Variants in TBC1D5 observed in about 807,000 individuals in gnomAD.
TBC1D5 encodes the protein TBC1 domain family member 5, also known as TBC1 domain family, member 5.
Under a neutral mutation model 100.3 loss-of-function variants are expected in TBC1D5, and 75 were observed. That is an observed-to-expected ratio of 0.75 (90% CI 0.62 to 0.91). The LOEUF is 0.91. TBC1D5 is among the 40% of genes least tolerant of loss of function. The pLI is 0.00. For synonymous variants in TBC1D5, 323 were observed against 325.6 expected, an observed-to-expected ratio of 0.99 and a Z score of 0.09; for missense variants, 910 against 942.4, an observed-to-expected ratio of 0.97 and a Z score of 0.45.
At chr3:17,455,462 A>G (rs2095055312) in intron 3 of TBC1D5, among the ~76,000 whole-genome samples, 1 of 146,606 alleles carries the variant, frequency 6.8e-6, no homozygotes, top group Non-Finnish European at 1.5e-5. Context: ...GTGTGTGTAT[A>G]TATATGTGTA....
intron 1 of TBC1D5, among the ~76,000 whole-genome samples, chr3:17,686,314 G>A (rs2153819259): frequency 6.6e-6 from 1 of 152,148 alleles, no homozygotes; most frequent in East Asian, 1.9e-4. Context: ...CCATAGTATA[G>A]CATTCTTTAT....
chr3:17,162,319 G>A (rs1201659849), intron 21 of TBC1D5, among the ~76,000 whole-genome samples: 4 of 152,256 alleles, frequency 2.6e-5, no homozygotes, highest in Non-Finnish European at 1.5e-5. Flanking sequence ...TAGGCCATCT[G>A]TGCACTGTGT....
chr3:17,600,754 C>T (rs1050532037), intron 2 of TBC1D5, among the ~76,000 whole-genome samples: 2 of 151,872 alleles, frequency 1.3e-5, no homozygotes, highest in African/African-American at 4.8e-5. Flanking sequence ...AGCTCTAAGT[C>T]AGTTGGTTAT....
At chr3:17,475,306 G>A (rs2095425691) in intron 3 of TBC1D5, among the ~76,000 whole-genome samples, 1 of 151,560 alleles carries the variant, frequency 6.6e-6, no homozygotes, top group East Asian at 1.9e-4. Flanking sequence ...AAGACAAAAA[G>A]TCTAACAGAC....
chr3:17,416,914 C>T (rs1267193648), intron 4 of TBC1D5, among the ~76,000 whole-genome samples: 1 of 152,132 alleles, frequency 6.6e-6, no homozygotes, highest in Non-Finnish European at 1.5e-5. Context: ...TATTCAGTAA[C>T]AGGCTGGCTA....
intron 13 of TBC1D5, among the ~76,000 whole-genome samples, chr3:17,310,657 T>C (rs1172795382): frequency 6.6e-6 from 1 of 152,050 alleles, no homozygotes; most frequent in Admixed American, 6.6e-5. Context: ...GCATTGATCT[T>C]GTTAGTGGTG....
intron 2 of TBC1D5, among the ~76,000 whole-genome samples, chr3:17,602,853 G>A (rs958359721): frequency 6.6e-6 from 1 of 152,034 alleles, no homozygotes; most frequent in African/African-American, 2.4e-5. Context: ...GGGATTACAG[G>A]CATGAGCCAC....
chr3:17,668,205 T>G (rs2067503964), intron 1 of TBC1D5, among the ~76,000 whole-genome samples: 1 of 149,688 alleles, frequency 6.7e-6, no homozygotes, highest in South Asian at 2.1e-4. Context: ...TCCCACATAT[T>G]CAGAGCATAG....
At chr3:17,280,946 A>C (rs1040041271) in intron 15 of TBC1D5, among the ~76,000 whole-genome samples, 5 of 152,226 alleles carry the variant, frequency 3.3e-5, no homozygotes, top group Non-Finnish European at 5.9e-5. Flanking sequence ...GCCCGCATGG[A>C]GTTTTGCTCC....
At chr3:17,308,502 C>A (rs1481338906) in intron 13 of TBC1D5, among the ~76,000 whole-genome samples, 8 of 152,124 alleles carry the variant, frequency 5.3e-5, no homozygotes, top group Non-Finnish European at 1.2e-4. Flanking sequence ...TCCAAAATTT[C>A]ATGATCTCTA....
At chr3:17,322,954 C>T (rs1357887380) in intron 13 of TBC1D5, among the ~76,000 whole-genome samples, 1 of 152,074 alleles carries the variant, frequency 6.6e-6, no homozygotes, top group South Asian at 2.1e-4. Context: ...GTTAAATTGG[C>T]CCTTGGGTAG....
Position 17,447,195 on chromosome 3 carries a change from T to C in TBC1D5, c.98-18676A>G, listed in dbSNP as rs1049754672. ...ATGAGTGACAGTCACCAGAGTAAAATGTAAAATAATAAAAAATGAAGATAA... is the reference window on the plus strand; with the variant it reads ...ATGAGTGACAGTCACCAGAGTAAAACGTAAAATAATAAAAAATGAAGATAA... On this transcript the variant is annotated intron_variant, in intron 3 of 21. Transcript: ENST00000253692. Among the ~76,000 whole-genome samples, 11 of 152,038 alleles carry C rather than the reference T, an allele frequency of 7.2e-5. No homozygotes were observed. The East Asian group carries it at 1.7e-3, about 24-fold the overall frequency.
intron 3 of TBC1D5, among the ~76,000 whole-genome samples, chr3:17,432,464 G>A (rs1476737173): frequency 6.6e-6 from 1 of 152,034 alleles, no homozygotes; most frequent in African/African-American, 2.4e-5. Context: ...GTGAAATCAG[G>A]CTAACCATTA....
At chr3:17,179,185 C>T (rs1181034135) in intron 19 of TBC1D5, among the ~76,000 whole-genome samples, 5 of 152,096 alleles carry the variant, frequency 3.3e-5, no homozygotes, top group African/African-American at 7.2e-5. Context: ...CTCTGCTACC[C>T]GCAATAAAAA....
chr3:17,566,282 A>G (rs897837039), intron 2 of TBC1D5, among the ~76,000 whole-genome samples: 1 of 152,032 alleles, frequency 6.6e-6, no homozygotes, highest in African/African-American at 2.4e-5. Context: ...ACAAAGAATT[A>G]TTAATAGTTT....
At chr3:17,257,798 C>T (rs1305217891) in intron 16 of TBC1D5, among the ~76,000 whole-genome samples, 2 of 152,168 alleles carry the variant, frequency 1.3e-5, no homozygotes, top group Non-Finnish European at 2.9e-5. Flanking sequence ...AAAGCTAACA[C>T]ATAGGCAAAA....
At chr3:17,190,012 T>C (rs768413057) in intron 18 of TBC1D5, among the ~76,000 whole-genome samples, 11 of 152,260 alleles carry the variant, frequency 7.2e-5, no homozygotes, top group East Asian at 1.9e-4. Context: ...CCCCAAATAG[T>C]TGATGCATCA....
intron 4 of TBC1D5, among the ~76,000 whole-genome samples, chr3:17,418,854 A>C (rs1370578890): frequency 1.3e-5 from 2 of 152,216 alleles, no homozygotes; most frequent in Non-Finnish European, 2.9e-5. Flanking sequence ...CCCTAACAAA[A>C]GTACAGTTGG....
chr3:17,569,253 A>C (rs935202585), intron 2 of TBC1D5, among the ~76,000 whole-genome samples: 2 of 152,014 alleles, frequency 1.3e-5, no homozygotes, highest in East Asian at 3.9e-4. Flanking sequence ...ACATTTAAGC[A>C]TCATGGTTCT....
Sources: allele counts gnomAD v4.1 joint callset (sites outside exome capture counted in the v4.1 genomes callset), GRCh38; gene constraint gnomAD v4.1.1; transcripts MANE v1.5; gene names NCBI Gene and HGNC (gene_info 2026-07-23, HGNC 2026-07-21).